The following NBEA variants were observed in gnomAD, a reference collection of about 807,000 sequenced individuals.
NBEA encodes the protein neurobeachin.
Under a neutral mutation model 343.4 loss-of-function variants are expected in NBEA, and 44 were observed. The ratio of observed to expected loss-of-function variants is 0.13; its 90% CI spans 0.10 to 0.16. The LOEUF (loss-of-function observed/expected upper bound fraction) is 0.16. Ranked by LOEUF, NBEA falls within the 10% of genes least tolerant of loss-of-function variation. The pLI, the probability that NBEA is intolerant of heterozygous loss-of-function variation, is 1.00. For synonymous variants in NBEA, 1,175 were observed against 1,238.7 expected (o/e 0.95, Z 1.08); for missense variants, 2,555 against 3,631.3 (o/e 0.70, Z 7.62).
chr13:35,349,574 A>G (rs1255210026), intron 37 of NBEA, among the ~76,000 whole-genome samples: 6 of 152,088 alleles, frequency 3.9e-5, no homozygotes, highest in Admixed American at 3.9e-4. Flanking sequence ...ATACAGTTAT[A>G]TGAATAAACT....
At chr13:35,409,594 T>A (rs1011527596) in intron 38 of NBEA, among the ~76,000 whole-genome samples, 2 of 152,314 alleles carry the variant, frequency 1.3e-5, no homozygotes, top group South Asian at 4.1e-4. Flanking sequence ...ATGTTTTATT[T>A]TTCATATTAT....
intron 1 of NBEA, among the ~76,000 whole-genome samples, chr13:34,945,500 A>C (rs1332923157): frequency 6.6e-6 from 1 of 152,086 alleles, no homozygotes; most frequent in Non-Finnish European, 1.5e-5. Flanking sequence ...TAAACCAATA[A>C]AATTCATATA....
At chr13:35,550,794 A>C (rs2079282133) in intron 42 of NBEA, 136 bp from the exon 43 acceptor site, 1 of 658,838 alleles carries the variant, frequency 1.5e-6, no homozygotes, top group Non-Finnish European at 2.6e-6. Flanking sequence ...ATAAAGTTAT[A>C]CTGAAAGCTG....
At chr13:34,970,348 G>A (rs962510165) in intron 1 of NBEA, among the ~76,000 whole-genome samples, 1 of 152,166 alleles carries the variant, frequency 6.6e-6, no homozygotes, top group South Asian at 2.1e-4. Flanking sequence ...TCCGTAGGTT[G>A]TCTGTTTACC....
intron 28 of NBEA, chr13:35,179,735 A>T (rs1321529979): frequency 3.5e-5 from 34 of 981,000 alleles, no homozygotes; most frequent in Non-Finnish European, 4.1e-5. Flanking sequence ...TAGTGTTAGA[A>T]ATAGAAGTAT....
intron 48 of NBEA, among the ~76,000 whole-genome samples, chr13:35,623,964 G>C (rs1429905716): frequency 3.3e-5 from 5 of 151,860 alleles, no homozygotes; most frequent in African/African-American, 1.2e-4. Context: ...AAGAAATAAG[G>C]CTTATTTCAT....
chr13:35,183,665 A>T (rs1380495157), intron 29 of NBEA, among the ~76,000 whole-genome samples: 1 of 151,948 alleles, frequency 6.6e-6, no homozygotes, highest in African/African-American at 2.4e-5. Flanking sequence ...AAGACTTATC[A>T]TTTTCTTTTT....
intron 45 of NBEA, among the ~76,000 whole-genome samples, chr13:35,581,311 A>G (rs1287804161): frequency 6.6e-6 from 1 of 151,970 alleles, no homozygotes; most frequent in Non-Finnish European, 1.5e-5. Context: ...AATGATTGCC[A>G]TTCTAACTGG....
At chr13:35,318,600 A>T (rs2037911889) in intron 36 of NBEA, among the ~76,000 whole-genome samples, 1 of 152,082 alleles carries the variant, frequency 6.6e-6, no homozygotes, top group Non-Finnish European at 1.5e-5. Flanking sequence ...TGGTATCAGG[A>T]TGATGTTGGC....
intron 38 of NBEA, among the ~76,000 whole-genome samples, chr13:35,359,575 C>T (rs1345027112): frequency 6.6e-6 from 1 of 151,996 alleles, no homozygotes; most frequent in East Asian, 1.9e-4. Context: ...GTGGTGGGGT[C>T]GGTTCTAACA....
intron 1 of NBEA, among the ~76,000 whole-genome samples, chr13:34,981,548 A>T (rs1201228388): frequency 6.6e-6 from 1 of 152,026 alleles, no homozygotes; most frequent in Non-Finnish European, 1.5e-5. Context: ...CCCATGATGT[A>T]TTTTCCATCT....
chr13:35,588,632 C>T (rs1245764890), intron 46 of NBEA, among the ~76,000 whole-genome samples: 1 of 152,076 alleles, frequency 6.6e-6, no homozygotes, highest in African/African-American at 2.4e-5. Flanking sequence ...AGACTGTTTT[C>T]CTGACAGCTG....
Position 35,046,167 on chromosome 13 carries a change from CTATCCTA to C in NBEA, c.723+768_723+774del, listed in dbSNP as rs576025574. ...ATTTTATGGATATACCACAGTTTAT[CTATCCTA>C]TCCATTCACTAGTTGATGGACTTCT... On this transcript the variant is annotated intron_variant, in intron 4 of 58. Coordinates refer to ENST00000379939, the MANE Select transcript of NBEA (RefSeq NM_001385012.1). Among the ~76,000 whole-genome samples the C allele has an allele frequency of 3.3e-3, 495 of 152,220 alleles. 2 individuals are homozygous for C. Among genetic ancestry groups the C allele is most frequent in the African/African-American group, 0.011 (470 of 41,530 alleles).
intron 34 of NBEA, among the ~76,000 whole-genome samples, chr13:35,258,067 T>C (rs1460066696): frequency 6.6e-6 from 1 of 152,170 alleles, no homozygotes; most frequent in Admixed American, 6.5e-5. Flanking sequence ...TTTTACATTT[T>C]ATTTTGTTTT....
intron 34 of NBEA, among the ~76,000 whole-genome samples, chr13:35,240,644 T>C (rs758466882): frequency 2.6e-5 from 4 of 151,356 alleles, no homozygotes; most frequent in Non-Finnish European, 4.4e-5. Context: ...AACCTGTAGC[T>C]TAAAAGAGAT....
chr13:35,222,211 G>A (rs1202099751), intron 33 of NBEA, among the ~76,000 whole-genome samples: 4 of 151,926 alleles, frequency 2.6e-5, no homozygotes, highest in African/African-American at 7.3e-5. Flanking sequence ...ATAGAAAAAT[G>A]TGTAACTTTT....
Position 34,942,904 on chromosome 13 carries a change from C to T in NBEA, c.84C>T (p.Gly28=). 6.8e-7 allele frequency: 1 copy of T among 1,468,616 alleles called. No individual in the cohort carries two copies. The highest frequency in any genetic ancestry group is 9.0e-7 in the Non-Finnish European group (1 of 1,105,072). 91.0% of individuals were successfully genotyped at this position (1,468,616 alleles called of 1,614,324 possible). Residue 28 remains glycine (G), a synonymous_variant, in exon 1 of 59, where the codon GGC becomes GGT. Transcript: ENST00000379939. The part of the protein sequence containing the change: ...GLIAVGAAGG[G]GGGSGGGGTG... ...TTGCCGTCGGGGCCGCTGGCGGAGG[C>T]GGCGGGGGCAGCGGTGGTGGCGGCA...
Position 35,040,930 on chromosome 13 carries a change from C to T in NBEA, c.295-3C>T, listed in dbSNP as rs761919468. 2 of 1,610,706 alleles carry T rather than the reference C, an allele frequency of 1.2e-6. No homozygotes were observed. Among genetic ancestry groups the T allele is most frequent in the South Asian group, 1.1e-5 (1 of 90,982 alleles). ...ACTATTGTTTCTTTCTGTTTACTTT[C>T]AGCTGGTTGGTGGAGAATTTGACTT... On this transcript the variant is annotated splice_polypyrimidine_tract_variant and splice_region_variant and intron_variant, in intron 1 of 58. Coordinates refer to ENST00000379939, the MANE Select transcript of NBEA (RefSeq NM_001385012.1).
intron 34 of NBEA, among the ~76,000 whole-genome samples, chr13:35,284,948 A>C (rs1244182254): frequency 6.6e-6 from 1 of 152,176 alleles, no homozygotes; most frequent in Non-Finnish European, 1.5e-5. Context: ...CCTGTGTCTT[A>C]GAATCCTTCA....
Sources: allele counts gnomAD v4.1 joint callset (sites outside exome capture counted in the v4.1 genomes callset), GRCh38; gene constraint gnomAD v4.1.1; transcripts MANE v1.5; gene names NCBI Gene and HGNC (gene_info 2026-07-23, HGNC 2026-07-21).